Variants in ZBBX observed in about 807,000 individuals in gnomAD.
The protein encoded by ZBBX is zinc finger B-box domain containing.
A neutral mutation model predicts 108.5 loss-of-function variants in ZBBX; 101 were observed. That is an observed-to-expected ratio of 0.93 (90% CI 0.79 to 1.10). The LOEUF (loss-of-function observed/expected upper bound fraction) is 1.10. Ranked by LOEUF, ZBBX falls within the 50% of genes least tolerant of loss-of-function variation. ZBBX has a pLI of 0.00. For missense variants in ZBBX, 1,009 were observed against 941.4 expected, an observed-to-expected ratio of 1.07 and a Z score of -0.94; for synonymous variants, 356 against 323.4, an observed-to-expected ratio of 1.10 and a Z score of -1.08.
At chr3:167,380,434 AG>A (rs1395528072), upstream of ZBBX, 1 of 152,228 alleles carries the variant, frequency 6.6e-6, no homozygotes, top group Non-Finnish European at 1.5e-5. Context: ...TGGTGATCAC[AG>A]GAAGGAAAAG....
At position 167,295,606 on chromosome 3, in the gene ZBBX, C is replaced by T. The variant is rs141878948; in HGVS notation, c.1879+2699G>A. On this transcript the variant is annotated intron_variant, in intron 18 of 21. Coordinates refer to ENST00000675490, the MANE Select transcript of ZBBX (RefSeq NM_001199201.2). The stretch of plus-strand genomic sequence containing the variant: ...ATGGGTTGATGGATGCAGCAAACCA[C>T]CATGGCACGTGTATACCTATGTAAC... 8.9e-3 allele frequency among the ~76,000 whole-genome samples: 1,333 copies of T among 150,178 alleles called. 28 individuals carry two copies. The highest frequency in any genetic ancestry group is 0.031 in the African/African-American group (1,257 of 40,798).
At chr3:167,341,706 A>AT (rs1487283728) in intron 9 of ZBBX, among the ~76,000 whole-genome samples, 2 of 151,960 alleles carry the variant, frequency 1.3e-5, no homozygotes, top group African/African-American at 4.8e-5. Flanking sequence ...AGTACTTGCA[A>AT]TTTTTTTCAA....
At chr3:167,362,209 T>C (rs1744637469) in intron 6 of ZBBX, among the ~76,000 whole-genome samples, 1 of 152,036 alleles carries the variant, frequency 6.6e-6, no homozygotes, top group Non-Finnish European at 1.5e-5. Flanking sequence ...GATAGAAAGA[T>C]GGATATCTGC....
the ZBBX span, among the ~76,000 whole-genome samples, chr3:167,226,364 C>T: frequency 2.6e-5 from 4 of 151,646 alleles, no homozygotes; most frequent in South Asian, 2.1e-4. Flanking sequence ...TCTAGACTCT[C>T]GGAAACAAAT....
Position 167,282,336 on chromosome 3 carries a change from T to G in ZBBX, c.2156A>C (p.Asp719Ala), listed in dbSNP as rs1728958531. 1 of 1,614,000 alleles carries G rather than the reference T, an allele frequency of 6.2e-7. No homozygotes were observed. The highest frequency in any genetic ancestry group is 1.7e-5 in the Admixed American group (1 of 59,988). ...GGAAAGCTCATTCTGGTCAGTAATATCAATATATTCAATTTCTGAAATTTC... is the reference window on the plus strand; with the variant it reads ...GGAAAGCTCATTCTGGTCAGTAATAGCAATATATTCAATTTCTGAAATTTC... ...ASEISEIEYI[D>A]ITDQNELSLD... Residue 719 changes from aspartate (D) to alanine (A), a missense_variant, in exon 20 of 22, where the codon GAT becomes GCT. Transcript: ENST00000675490.
At chr3:167,299,017 T>C (rs144942117) in intron 17 of ZBBX, among the ~76,000 whole-genome samples, 1 of 152,186 alleles carries the variant, frequency 6.6e-6, no homozygotes, top group Non-Finnish European at 1.5e-5. Context: ...AGGCTTTGAA[T>C]ATAGGTCTGC....
At chr3:167,290,344 T>G (rs1730465762) in intron 18 of ZBBX, among the ~76,000 whole-genome samples, 2 of 152,130 alleles carry the variant, frequency 1.3e-5, no homozygotes, top group African/African-American at 2.4e-5. Context: ...GGGACAAAGC[T>G]TCCAGAGGAA....
At chr3:167,372,209 T>A (rs1261806049) in intron 4 of ZBBX, among the ~76,000 whole-genome samples, 3 of 147,312 alleles carry the variant, frequency 2.0e-5, no homozygotes, top group African/African-American at 7.5e-5. Flanking sequence ...AGACTTCGTC[T>A]AAAAAAAAAA....
chr3:167,197,304 T>C, the ZBBX span, among the ~76,000 whole-genome samples: 11 of 137,612 alleles, frequency 8.0e-5, no homozygotes, highest in Non-Finnish European at 1.2e-4. Context: ...TTTGGGAGGC[T>C]GAGGCGGGCA....
At chr3:167,228,528 T>A in the ZBBX span, among the ~76,000 whole-genome samples, 1 of 151,726 alleles carries the variant, frequency 6.6e-6, no homozygotes, top group South Asian at 2.1e-4. Context: ...AGGGAAGACA[T>A]AGAAGTAGTT....
At chr3:167,270,582 G>A (rs143154784) in intron 20 of ZBBX, among the ~76,000 whole-genome samples, 2,121 of 152,288 alleles carry the variant, frequency 0.014, 25 homozygotes, top group South Asian at 0.026. Flanking sequence ...CCGGCAGCCT[G>A]TAGCCTTCTT....
the ZBBX span, among the ~76,000 whole-genome samples, chr3:167,226,789 T>C: frequency 1.3e-5 from 2 of 151,732 alleles, no homozygotes; most frequent in African/African-American, 4.8e-5. Context: ...CCAACCATCA[T>C]GTGTCTTTAC....
At chr3:167,266,448 C>T (rs1054156074) in intron 20 of ZBBX, among the ~76,000 whole-genome samples, 3 of 152,170 alleles carry the variant, frequency 2.0e-5, no homozygotes, top group Non-Finnish European at 2.9e-5. Flanking sequence ...CAGTTCTAAT[C>T]AATAACTCAC....
intron 12 of ZBBX, among the ~76,000 whole-genome samples, chr3:167,319,360 C>G (rs1194654834): frequency 6.6e-6 from 1 of 151,842 alleles, no homozygotes; most frequent in Non-Finnish European, 1.5e-5. Flanking sequence ...TTGTTACGGA[C>G]TAAGAAAGGG....
At position 167,296,392 on chromosome 3, in the gene ZBBX, C is replaced by T. The variant is rs1731697407; in HGVS notation, c.1879+1913G>A. On this transcript the variant is annotated intron_variant, in intron 18 of 21. Transcript: ENST00000675490. Reference sequence around the variant, plus strand: ...ATTCAATATAAGTAGCCAGAACAGACAAGAAAAAGAAATAAAAGACATTTG... The same window carrying T: ...ATTCAATATAAGTAGCCAGAACAGATAAGAAAAAGAAATAAAAGACATTTG... Among the ~76,000 whole-genome samples the T allele has an allele frequency of 3.3e-5, 5 of 151,678 alleles. No individual in the cohort carries two copies. In the South Asian group the frequency reaches 1.0e-3, roughly 32 times the overall value.
intron 9 of ZBBX, among the ~76,000 whole-genome samples, chr3:167,335,747 T>A (rs1739439827): frequency 1.3e-5 from 2 of 151,794 alleles, no homozygotes; most frequent in African/African-American, 4.8e-5. Context: ...GAACATCAAA[T>A]TAACTAGTGT....
At chr3:167,380,876 A>T (rs13079718), upstream of ZBBX, among the ~76,000 whole-genome samples, 11 of 137,574 alleles carry the variant, frequency 8.0e-5, no homozygotes, top group Admixed American at 3.8e-4. Flanking sequence ...GCACACACAC[A>T]CACACACACA....
chr3:167,371,865 C>A (rs1468550681), intron 4 of ZBBX, among the ~76,000 whole-genome samples: 1 of 152,038 alleles, frequency 6.6e-6, no homozygotes, highest in Non-Finnish European at 1.5e-5. Context: ...TTGAAGACAC[C>A]AAATAACCAC....
intron 20 of ZBBX, among the ~76,000 whole-genome samples, chr3:167,279,703 C>A (rs1728402762): frequency 6.6e-6 from 1 of 151,902 alleles, no homozygotes; most frequent in Non-Finnish European, 1.5e-5. Context: ...ATGCCATCCC[C>A]ATCAAGCTAC....
Sources: allele counts gnomAD v4.1 joint callset (sites outside exome capture counted in the v4.1 genomes callset), GRCh38; gene constraint gnomAD v4.1.1; transcripts MANE v1.5; gene names NCBI Gene and HGNC (gene_info 2026-07-23, HGNC 2026-07-21).